The following LUM variants were observed in gnomAD, a reference collection of about 807,000 sequenced individuals.
LUM encodes the protein KSPG lumican.
A neutral mutation model predicts 20.5 loss-of-function variants in LUM; 13 were observed. The observed-to-expected ratio is 0.63, with a 90% CI of 0.41 to 1.01. The LOEUF (loss-of-function observed/expected upper bound fraction) is 1.01, where lower values mean the gene tolerates loss of function less well. Ranked by LOEUF, LUM falls within the 50% of genes least tolerant of loss-of-function variation. The probability of loss-of-function intolerance (pLI) is 0.00; values close to 1 mark genes in which losing one functional copy is unlikely to be tolerated. For missense variants in LUM, 321 were observed against 391.1 expected (o/e 0.82, Z 1.51); for synonymous variants, 173 against 151.5 (o/e 1.14, Z -1.04).
intron 2 of LUM, among the ~76,000 whole-genome samples, chr12:91,107,279 GAAAGAAAGAGAA>G (rs1260610500): frequency 5.2e-4 from 51 of 97,658 alleles, no homozygotes; most frequent in South Asian, 1.1e-3. Context: ...AAGAAAGAAA[GAAAGAAAGAGAA>G]AGAAAGAAAG....
chr12:91,107,499 A>G (rs1232208173), intron 2 of LUM, among the ~76,000 whole-genome samples: 2 of 152,014 alleles, frequency 1.3e-5, no homozygotes, highest in Non-Finnish European at 2.9e-5. Context: ...TAAATGTAGG[A>G]CACAAATCTA....
chr12:91,108,957 A>G lies in LUM; in HGVS notation c.23T>C (p.Leu8Pro). Reference sequence around the variant, plus strand: ...GGTACCACCAATCAATGCCAGGAAGAGAGTAAATGCACTTAGACTCATTTT... The same window carrying G: ...GGTACCACCAATCAATGCCAGGAAGGGAGTAAATGCACTTAGACTCATTTT... MSLSAFT[L>P]FLALIGGTSG... The change falls in exon 2 of 3, where the codon CTC becomes CCC. Residue 8 changes from leucine (L) to proline (P), a missense_variant. Physicochemically the swap from Leu to Pro is moderately conservative, Grantham distance 98. Coordinates refer to ENST00000266718, the MANE Select transcript of LUM (RefSeq NM_002345.4). This position sits in a 1 kb window ranked among gnomAD's most constrained non-coding sequence, Gnocchi z 4.2. 1 of 1,613,692 alleles carries G rather than the reference A, an allele frequency of 6.2e-7. No homozygotes were observed. The highest frequency in any genetic ancestry group is 8.5e-7 in the Non-Finnish European group (1 of 1,179,710).
rs1879940797 is a variant in LUM, at chr12:91,102,939, TG to T, written c.*1225del. 6.6e-6 allele frequency: 1 copy of T among 152,188 alleles called. No homozygotes were observed. Among genetic ancestry groups the T allele is most frequent in the South Asian group, 2.1e-4 (1 of 4,830 alleles). 9.4% of individuals were successfully genotyped at this position (152,188 alleles called of 1,614,324 possible). A position where few individuals can be genotyped will look rare whatever the true frequency, so the allele number is the denominator to read the frequency against. ...GACACATATTTGACTATATATACAC[TG>T]GTATGGGATGAGCAGACCTTTGTCT... On this transcript the variant is annotated 3_prime_UTR_variant, in exon 3 of 3. Transcript: ENST00000266718.
chr12:91,108,280 G>A lies in LUM; in HGVS notation c.700C>T (p.Leu234=), dbSNP rs1177817265. 3.1e-6 allele frequency: 5 copies of A among 1,614,054 alleles called. No homozygotes were observed. The highest frequency in any genetic ancestry group is 1.3e-5 in the African/African-American group (1 of 74,918). Residue 234 remains leucine (L), a synonymous_variant, in exon 2 of 3, where the codon CTG becomes TTG. Transcript: ENST00000266718. This position sits in a 1 kb window ranked among gnomAD's most constrained non-coding sequence, Gnocchi z 4.2. ...GCCAGTTCGTTGTGAGATAAACGCA[G>A]ATACTGCAATGCATTAAAACGCTTG... The part of the protein sequence containing the change: ...YFKRFNALQY[L]RLSHNELADS...
At chr12:91,107,012 A>T (rs1186603559) in intron 2 of LUM, among the ~76,000 whole-genome samples, 3 of 151,478 alleles carry the variant, frequency 2.0e-5, no homozygotes, top group African/African-American at 7.3e-5. Flanking sequence ...TCTCTACTAA[A>T]AACATAAAAA....
chr12:91,108,316 C>T lies in LUM; in HGVS notation c.664G>A (p.Asp222Asn), dbSNP rs770165114. 2 of 1,614,030 alleles carry T rather than the reference C, an allele frequency of 1.2e-6. No individual in the cohort carries two copies. Among genetic ancestry groups the T allele is most frequent in the Admixed American group, 1.7e-5 (1 of 60,006 alleles). The change falls in exon 2 of 3, where the codon GAT (aspartate) becomes AAT (asparagine). Residue 222 changes from aspartate (D) to asparagine (N), a missense_variant. Coordinates refer to ENST00000266718, the MANE Select transcript of LUM (RefSeq NM_002345.4). This position sits in a 1 kb window ranked among gnomAD's most constrained non-coding sequence, Gnocchi z 4.2. Reference sequence around the variant, plus strand: ...GCATTAAAACGCTTGAAATACTCATCAGGGATGTTGCTGATCTTATTGTTG... The same window carrying T: ...GCATTAAAACGCTTGAAATACTCATTAGGGATGTTGCTGATCTTATTGTTG... ...LDNNKISNIP[D>N]EYFKRFNALQ...
At chr12:91,110,015 C>CA in intron 1 of LUM, among the ~76,000 whole-genome samples, 1 of 152,160 alleles carries the variant, frequency 6.6e-6, no homozygotes, top group Non-Finnish European at 1.5e-5. Context: ...TAATGTGTAA[C>CA]AGTTATCTTC....
intron 2 of LUM, among the ~76,000 whole-genome samples, chr12:91,105,560 T>A (rs906370444): frequency 4.6e-5 from 7 of 152,182 alleles, no homozygotes; most frequent in Admixed American, 3.3e-4. Context: ...ATTAAGTGAA[T>A]GTGAAATGTT....
rs398020575 is a variant in LUM at position 91,106,711 on chromosome 12, A to AAAAAAAAC, written c.862+1406_862+1407insGTTTTTTT. ...CTTCTAAAAAAAAAAAAAAAAAAAAAGATGTTAGAATCTCCCATCATATTT... is the reference window on the plus strand; with the variant it reads ...CTTCTAAAAAAAAAAAAAAAAAAAAAAAAAAAACGATGTTAGAATCTCCCATCATATTT... On this transcript the variant is annotated intron_variant, in intron 2 of 2. Coordinates refer to ENST00000266718, the MANE Select transcript of LUM (RefSeq NM_002345.4). Among the ~76,000 whole-genome samples, 137 of 147,100 alleles carry AAAAAAAAC rather than the reference A, an allele frequency of 9.3e-4. 2 individuals are homozygous for AAAAAAAAC. Among genetic ancestry groups the AAAAAAAAC allele is most frequent in the East Asian group, 8.0e-3 (34 of 4,244 alleles).
At chr12:91,107,171 G>T (rs1880056488) in intron 2 of LUM, among the ~76,000 whole-genome samples, 1 of 129,318 alleles carries the variant, frequency 7.7e-6, no homozygotes, top group Non-Finnish European at 1.7e-5. Flanking sequence ...AAGAAAGAAA[G>T]AAAACGAAAG....
intron 2 of LUM, among the ~76,000 whole-genome samples, chr12:91,107,267 GAAAGAAAGAAAGAAAGAAAGAGAA>G (rs1383793597): frequency 7.1e-5 from 6 of 84,984 alleles, no homozygotes; most frequent in East Asian, 3.5e-4. Context: ...AAGAAAGAAA[GAAAGAAAGAAAGAAAGAAAGAGAA>G]AGAAAGAAAG....
chr12:91,110,370 G>T (rs1215534382), intron 1 of LUM, among the ~76,000 whole-genome samples: 1 of 152,052 alleles, frequency 6.6e-6, no homozygotes, highest in Non-Finnish European at 1.5e-5. Context: ...AGATCAGATG[G>T]AACGTTATAA....
chr12:91,110,374 G>A lies in LUM; in HGVS notation c.-22+1024C>T, dbSNP rs577894187. On this transcript the variant is annotated intron_variant, in intron 1 of 2. Transcript: ENST00000266718. Reference sequence around the variant, plus strand: ...CACTTTATTTCAGATCAGATGGAACGTTATAAAACAGCTTTTAGAAATACT... The same window carrying A: ...CACTTTATTTCAGATCAGATGGAACATTATAAAACAGCTTTTAGAAATACT... Among the ~76,000 whole-genome samples the A allele has an allele frequency of 3.7e-4, 57 of 152,208 alleles. 1 individual carries two copies. Among genetic ancestry groups the A allele is most frequent in the African/African-American group, 1.3e-3 (54 of 41,552 alleles).
intron 2 of LUM, among the ~76,000 whole-genome samples, chr12:91,105,348 G>A (rs1361765892): frequency 6.6e-6 from 1 of 151,744 alleles, no homozygotes; most frequent in African/African-American, 2.4e-5. Context: ...GTTGTGTAGA[G>A]CACTTCACAC....
rs771455004 is a variant in LUM, at chr12:91,104,207, C to T, written c.975G>A (p.Met325Ile). Residue 325 changes from methionine to isoleucine, a missense_variant, in exon 3 of 3, where the codon ATG (methionine) becomes ATA (isoleucine). Met to Ile is a conservative substitution (Grantham distance 10). Coordinates refer to ENST00000266718, the MANE Select transcript of LUM (RefSeq NM_002345.4). ...CGTTAGCAACACGTAGACATTCATA[C>T]ATATCCGGTGGAAGACTGGTTTCTG... ...RISETSLPPD[M>I]YECLRVANEV... 1 of 1,612,822 alleles carries T rather than the reference C, an allele frequency of 6.2e-7. No individual in the cohort carries two copies. Among genetic ancestry groups the T allele is most frequent in the Non-Finnish European group, 8.5e-7 (1 of 1,179,076 alleles).
At chr12:91,106,186 A>G (rs916946144) in intron 2 of LUM, among the ~76,000 whole-genome samples, 1 of 152,166 alleles carries the variant, frequency 6.6e-6, no homozygotes, top group African/African-American at 2.4e-5. Flanking sequence ...GTTTAACCCT[A>G]CTAGAGGTTA....
intron 1 of LUM, 44 bp from the exon 2 acceptor site, chr12:91,109,044 T>C: frequency 7.6e-7 from 1 of 1,324,182 alleles, no homozygotes; most frequent in Non-Finnish European, 1.0e-6. Context: ...AATATATACT[T>C]TCAAGAAAAA....
At chr12:91,109,438 A>G (rs1781413928) in intron 1 of LUM, among the ~76,000 whole-genome samples, 1 of 152,244 alleles carries the variant, frequency 6.6e-6, no homozygotes, top group South Asian at 2.1e-4. Context: ...ATGACTCATG[A>G]AGAAGATCCT....
intron 2 of LUM, among the ~76,000 whole-genome samples, chr12:91,105,173 G>T (rs1222692914): frequency 1.3e-5 from 2 of 151,998 alleles, no homozygotes; most frequent in African/African-American, 4.8e-5. Flanking sequence ...TTTTTCTATG[G>T]TACCAACATT....
Sources: gnomAD v4.1 joint callset for allele counts (sites outside exome capture counted in the v4.1 genomes callset) on GRCh38, gnomAD v4.1.1 for gene constraint, Gnocchi (gnomAD v3.1) non-coding constraint, MANE v1.5 for transcripts, NCBI Gene and HGNC (gene_info 2026-07-23, HGNC 2026-07-21) for gene names.